MCTP2: variants seen among roughly 807,000 people sequenced by gnomAD.
The protein encoded by MCTP2 is multiple C2 and transmembrane domain containing 2.
MCTP2 carries 132 observed loss-of-function variants against 111.6 expected under a neutral mutation model. The ratio of observed to expected loss-of-function variants is 1.18; its 90% CI spans 1.03 to 1.37. MCTP2 has a LOEUF of 1.37. Ranked by LOEUF, MCTP2 falls within the 40% of genes most tolerant of loss-of-function variation. MCTP2 has a pLI of 0.00. For synonymous variants in MCTP2, 395 were observed against 387.7 expected, an observed-to-expected ratio of 1.02 and a Z score of -0.22; for missense variants, 1,183 against 1,067.9, an observed-to-expected ratio of 1.11 and a Z score of -1.50.
Position 94,449,420 on chromosome 15 carries a change from A to C in MCTP2, c.2250+6460A>C, listed in dbSNP as rs1235282190. 2.6e-5 allele frequency among the ~76,000 whole-genome samples: 4 copies of C among 152,190 alleles called. No homozygotes were observed. The East Asian group carries it at 7.7e-4, about 29-fold the overall frequency. On this transcript the variant is annotated intron_variant, in intron 19 of 22. Coordinates refer to ENST00000357742, the MANE Select transcript of MCTP2 (RefSeq NM_001385001.1). ...CAGGATAGTGGCAACACTCAAACCC[A>C]TCTCTTCTGGTCTAAATCTTATTTT... is the stretch of plus-strand genomic sequence containing the variant.
At chr15:94,336,818 T>C (rs1057161078) in intron 4 of MCTP2, among the ~76,000 whole-genome samples, 1 of 151,964 alleles carries the variant, frequency 6.6e-6, no homozygotes, top group African/African-American at 2.4e-5. Context: ...ACTCAGGCCA[T>C]GAATGCTTAA....
intron 19 of MCTP2, among the ~76,000 whole-genome samples, chr15:94,449,449 C>T (rs1244217914): frequency 6.6e-6 from 1 of 152,174 alleles, no homozygotes; most frequent in East Asian, 1.9e-4. Context: ...TTATTTTTGA[C>T]CATGCTCCGT....
chr15:94,347,111 T>C (rs748891578), intron 8 of MCTP2, among the ~76,000 whole-genome samples: 39 of 152,328 alleles, frequency 2.6e-4, no homozygotes, highest in Non-Finnish European at 4.3e-4. Flanking sequence ...TTCAATTATG[T>C]TGACTTTTTG....
intron 16 of MCTP2, among the ~76,000 whole-genome samples, chr15:94,401,578 A>G (rs1014631571): frequency 6.6e-6 from 1 of 151,758 alleles, no homozygotes; most frequent in Non-Finnish European, 1.5e-5. Flanking sequence ...CTGCCTCTGC[A>G]TGTGTCTTTC....
chr15:94,260,209 G>T (rs922049313), intron 1 of MCTP2, among the ~76,000 whole-genome samples: 1 of 152,096 alleles, frequency 6.6e-6, no homozygotes, highest in African/African-American at 2.4e-5. Flanking sequence ...GGGCAATAAG[G>T]GTATGCGAAA....
chr15:94,396,270 T>A (rs2152470038), intron 14 of MCTP2, among the ~76,000 whole-genome samples: 1 of 152,298 alleles, frequency 6.6e-6, no homozygotes, highest in East Asian at 1.9e-4. Flanking sequence ...CCTTTTTGCC[T>A]TTGCTGACGG....
At chr15:94,244,933 TAC>T (rs201361456) in intron 1 of MCTP2, among the ~76,000 whole-genome samples, 1,469 of 142,332 alleles carry the variant, frequency 0.01, 116 homozygotes, top group African/African-American at 0.035. Flanking sequence ...CGTATATGTA[TAC>T]ACATACATAT....
In MCTP2 at chr15:94,400,106, C is replaced by T. The variant is rs1016272777; in HGVS notation, c.1965+111C>T. On this transcript the variant is annotated intron_variant, in intron 16 of 22. Transcript: ENST00000357742. ...TTGAAACTTTTCCTCCCTCTTACTC[C>T]TCCTCTCTCCCTCTTGCCCCATCTC... The T allele has an allele frequency of 9.6e-6, 8 of 834,346 alleles. No homozygotes were observed. In the Admixed American group the frequency reaches 1.6e-4, roughly 17 times the overall value. The allele number at this position is 834,346 out of a possible 1,614,324, so 51.7% of individuals were successfully genotyped here. A position where few individuals can be genotyped will look rare whatever the true frequency, so the allele number is the denominator to read the frequency against.
At chr15:94,244,448 G>A (rs1050835720) in intron 1 of MCTP2, among the ~76,000 whole-genome samples, 6 of 147,370 alleles carry the variant, frequency 4.1e-5, no homozygotes, top group South Asian at 2.1e-4. Flanking sequence ...GTTTATATAC[G>A]TATATGTATA....
intron 8 of MCTP2, among the ~76,000 whole-genome samples, chr15:94,347,956 A>G (rs567802307): frequency 7.6e-4 from 116 of 152,116 alleles, no homozygotes; most frequent in African/African-American, 2.7e-3. Context: ...TTGGGTGTGT[A>G]TAGGTGTTAT....
At chr15:94,365,291 T>A (rs943766344) in intron 10 of MCTP2, among the ~76,000 whole-genome samples, 1 of 152,238 alleles carries the variant, frequency 6.6e-6, no homozygotes, top group African/African-American at 2.4e-5. Context: ...GCCTAAATCT[T>A]CAACCTGTTG....
intron 1 of MCTP2, among the ~76,000 whole-genome samples, chr15:94,246,117 C>T (rs2071985293): frequency 6.6e-6 from 1 of 152,058 alleles, no homozygotes; most frequent in African/African-American, 2.4e-5. Context: ...GTTCCTCTCA[C>T]ATTGTGTAGC....
At chr15:94,346,582 C>T (rs1236512850) in intron 8 of MCTP2, among the ~76,000 whole-genome samples, 1 of 152,144 alleles carries the variant, frequency 6.6e-6, no homozygotes, top group African/African-American at 2.4e-5. Context: ...AGTATTTTCT[C>T]GTTTATTGAT....
intron 4 of MCTP2, among the ~76,000 whole-genome samples, chr15:94,332,445 A>G (rs1294913994): frequency 1.3e-5 from 2 of 152,188 alleles, no homozygotes; most frequent in Non-Finnish European, 2.9e-5. Flanking sequence ...ACCCTATTAG[A>G]TAAAAAATTT....
chr15:94,405,834 T>C (rs942123902), intron 17 of MCTP2, among the ~76,000 whole-genome samples: 3 of 152,346 alleles, frequency 2.0e-5, no homozygotes, highest in African/African-American at 7.2e-5. Flanking sequence ...GATATTTTGG[T>C]ATCTTGCCTT....
chr15:94,364,000 A>G (rs943432578), intron 10 of MCTP2, among the ~76,000 whole-genome samples: 1 of 152,000 alleles, frequency 6.6e-6, no homozygotes, highest in Non-Finnish European at 1.5e-5. Flanking sequence ...CATTTTTATT[A>G]ACTAACAGAT....
chr15:94,322,656 C>A (rs1188524025), intron 4 of MCTP2, among the ~76,000 whole-genome samples: 3 of 152,216 alleles, frequency 2.0e-5, no homozygotes, highest in African/African-American at 7.2e-5. Context: ...GCTTTAAAAA[C>A]ATCTACAACA....
At chr15:94,354,041 T>A (rs1301861321) in intron 8 of MCTP2, among the ~76,000 whole-genome samples, 1 of 151,572 alleles carries the variant, frequency 6.6e-6, no homozygotes, top group African/African-American at 2.4e-5. Flanking sequence ...AATAATCATA[T>A]ATTATTCCGG....
chr15:94,234,459 C>T (rs557285362), intron 1 of MCTP2, among the ~76,000 whole-genome samples: 1 of 152,304 alleles, frequency 6.6e-6, no homozygotes, highest in African/African-American at 2.4e-5. Flanking sequence ...CTCAGCATTT[C>T]CCAGCAGCTT....
Sources: gnomAD v4.1 joint callset for allele counts (sites outside exome capture counted in the v4.1 genomes callset) on GRCh38, gnomAD v4.1.1 for gene constraint, MANE v1.5 for transcripts, NCBI Gene and HGNC (gene_info 2026-07-23, HGNC 2026-07-21) for gene names.